The following RTCA variants were observed in gnomAD, a reference collection of about 807,000 sequenced individuals.
RTCA encodes the protein RNA 3'-terminal phosphate cyclase, also known as RNA terminal phosphate cyclase domain 1.
In RTCA, 37 loss-of-function variants were observed where a neutral mutation model predicts 46.1. The observed-to-expected ratio is 0.80, with a 90% CI of 0.62 to 1.06. RTCA has a LOEUF of 1.06. Ranked by LOEUF, RTCA falls within the 50% of genes least tolerant of loss-of-function variation. RTCA has a pLI of 0.00. For missense variants in RTCA, 435 were observed against 455.5 expected, an observed-to-expected ratio of 0.95 and a Z score of 0.41; for synonymous variants, 164 against 158.3, an observed-to-expected ratio of 1.04 and a Z score of -0.27.
chr1:100,270,104 T>A (rs1666000829), intron 3 of RTCA, among the ~76,000 whole-genome samples: 1 of 152,220 alleles, frequency 6.6e-6, no homozygotes, highest in African/African-American at 2.4e-5. Flanking sequence ...CCTGGAACAG[T>A]ACCTTGTTAT....
At chr1:100,287,857 G>A (rs892575203) in intron 10 of RTCA, among the ~76,000 whole-genome samples, 1 of 148,180 alleles carries the variant, frequency 6.7e-6, no homozygotes, top group Non-Finnish European at 1.5e-5. Context: ...GCAATGGCAT[G>A]ATCTCGGCTC....
intron 10 of RTCA, among the ~76,000 whole-genome samples, chr1:100,291,143 C>T (rs183813508): frequency 2.6e-5 from 4 of 152,170 alleles, no homozygotes; most frequent in African/African-American, 7.2e-5. Flanking sequence ...ATTCAGTGTG[C>T]GTGGAAGGGG....
intron 9 of RTCA, among the ~76,000 whole-genome samples, chr1:100,285,932 G>A (rs2100812732): frequency 6.6e-6 from 1 of 152,288 alleles, no homozygotes; most frequent in Non-Finnish European, 1.5e-5. Context: ...ACTGTGCCTG[G>A]CCAACTTCTA....
At chr1:100,277,791 AT>A (rs958141266) in intron 8 of RTCA, among the ~76,000 whole-genome samples, 99 of 145,770 alleles carry the variant, frequency 6.8e-4, no homozygotes, top group Middle Eastern at 3.6e-3. Context: ...GCGATGTGGA[AT>A]TTTTTTTTTT....
At chr1:100,285,724 A>T (rs940232330) in intron 9 of RTCA, among the ~76,000 whole-genome samples, 1 of 151,898 alleles carries the variant, frequency 6.6e-6, no homozygotes, top group Admixed American at 6.6e-5. Flanking sequence ...GTTTCAAGTG[A>T]TCCTCCTGCT....
At chr1:100,284,720 C>T (rs1666928502) in intron 8 of RTCA, among the ~76,000 whole-genome samples, 1 of 152,182 alleles carries the variant, frequency 6.6e-6, no homozygotes, top group Non-Finnish European at 1.5e-5. Context: ...ATGGAATTAC[C>T]TGCAGACTAA....
chr1:100,289,639 T>C (rs1667244624), intron 10 of RTCA, among the ~76,000 whole-genome samples: 3 of 152,216 alleles, frequency 2.0e-5, no homozygotes, highest in Admixed American at 2.0e-4. Flanking sequence ...TTGATCTCCT[T>C]AATAGCAGAG....
intron 2 of RTCA, chr1:100,267,066 A>G (rs746607545): frequency 9.2e-6 from 2 of 217,862 alleles, no homozygotes; most frequent in South Asian, 2.2e-4. Flanking sequence ...GTGTTATCCC[A>G]GCCTTCATTC....
intron 9 of RTCA, 89 bp downstream of exon 9, chr1:100,285,411 G>T: frequency 1.1e-6 from 1 of 874,764 alleles, no homozygotes; most frequent in Non-Finnish European, 1.8e-6. Flanking sequence ...TTGACTTTCA[G>T]ACACTAATTA....
chr1:100,267,648 C>T (rs2100786996), intron 2 of RTCA: 1 of 939,146 alleles, frequency 1.1e-6, no homozygotes, highest in Non-Finnish European at 1.4e-6. Context: ...TCTGTATGTT[C>T]TAGTTTTTTT....
chr1:100,291,472 C>T lies in RTCA; in HGVS notation c.1069C>T (p.Gln357Ter). The T allele has an allele frequency of 6.2e-7, 1 of 1,610,994 alleles. No individual in the cohort carries two copies. The highest frequency in any genetic ancestry group is 8.5e-7 in the Non-Finnish European group (1 of 1,178,280). The change falls in exon 11 of 11, where the codon CAA (glutamine) becomes TAA (stop). Residue 357 changes from glutamine (Q) to a stop codon, truncating the protein, a stop_gained. Coordinates refer to ENST00000370128, the MANE Select transcript of RTCA (RefSeq NM_003729.4). LOFTEE classifies it high-confidence loss of function. Reference sequence around the variant, plus strand: ...TAAAGATACTTATATTATTGAATGCCAAGGAATTGGGATGACAAATCCAAA... The same window carrying T: ...TAAAGATACTTATATTATTGAATGCTAAGGAATTGGGATGACAAATCCAAA... ...AAKDTYIIEC[Q>*]GIGMTNPNL
In RTCA at chr1:100,273,378, A is replaced by C; in HGVS notation, c.415-16A>C. The stretch of plus-strand genomic sequence containing the variant: ...ATATTGCTGATTAACCTAATGATAA[A>C]AACTGATTTTTTCAGGTCTTCAAGC... On this transcript the variant is annotated splice_polypyrimidine_tract_variant and intron_variant, in intron 4 of 10. Coordinates refer to ENST00000370128, the MANE Select transcript of RTCA (RefSeq NM_003729.4). The C allele has an allele frequency of 6.5e-7, 1 of 1,540,292 alleles. No individual in the cohort carries two copies. The highest frequency in any genetic ancestry group is 8.9e-7 in the Non-Finnish European group (1 of 1,127,692).
At chr1:100,281,126 A>G in intron 8 of RTCA, 1 of 502,148 alleles carries the variant, frequency 2.0e-6, no homozygotes, top group African/African-American at 2.0e-5. Context: ...AGTTGTAACT[A>G]GAGATGTCTT....
At chr1:100,267,340 T>TA in intron 2 of RTCA, 1 of 678,764 alleles carries the variant, frequency 1.5e-6, no homozygotes, top group Non-Finnish European at 2.2e-6. Flanking sequence ...ACTGATATGT[T>TA]AATGTTAATT....
At chr1:100,289,582 A>G (rs1347744283) in intron 10 of RTCA, among the ~76,000 whole-genome samples, 1 of 152,124 alleles carries the variant, frequency 6.6e-6, no homozygotes, top group Non-Finnish European at 1.5e-5. Flanking sequence ...TTGTTACTCT[A>G]CTTATGCTGT....
rs1030765548 is a variant in RTCA, at chr1:100,290,267, AT to A, written c.1000-1125del. On this transcript the variant is annotated intron_variant, in intron 10 of 10. Transcript: ENST00000370128. ...AAACTTAACCTATTTAATTGTTTTGATTTTTTTTTTTAAGACGTTGATGGGA... is the reference window on the plus strand; with the variant it reads ...AAACTTAACCTATTTAATTGTTTTGATTTTTTTTTTAAGACGTTGATGGGA... Among the ~76,000 whole-genome samples, 1,357 of 148,516 alleles carry A rather than the reference AT, an allele frequency of 9.1e-3. 27 individuals carry two copies. Among genetic ancestry groups the A allele is most frequent in the African/African-American group, 0.032 (1,291 of 40,712 alleles).
At position 100,267,323 on chromosome 1, in the gene RTCA, G is replaced by A. The variant is rs944869964; in HGVS notation, c.146+699G>A. 1.3e-5 allele frequency: 7 copies of A among 557,134 alleles called. No homozygotes were observed. The African/African-American group carries it at 1.3e-4, about 11-fold the overall frequency. The allele number at this position is 557,134 out of a possible 1,614,324, so 34.5% of individuals were successfully genotyped here. A position where few individuals can be genotyped will look rare whatever the true frequency, so the allele number is the denominator to read the frequency against. On this transcript the variant is annotated intron_variant, in intron 2 of 10. Coordinates refer to ENST00000370128, the MANE Select transcript of RTCA (RefSeq NM_003729.4). Reference sequence around the variant, plus strand: ...GTCTACAGTTTTGAAATTACCAAAAGGCAATTACTGATATGTTAATGTTAA... The same window carrying A: ...GTCTACAGTTTTGAAATTACCAAAAAGCAATTACTGATATGTTAATGTTAA...
intron 10 of RTCA, among the ~76,000 whole-genome samples, chr1:100,290,999 A>G (rs1259248469): frequency 6.6e-6 from 1 of 152,204 alleles, no homozygotes; most frequent in East Asian, 1.9e-4. Flanking sequence ...ATTAAAGGGT[A>G]ATTTGTGACT....
In RTCA at chr1:100,268,302, A is replaced by G. The variant is rs764007556; in HGVS notation, c.290+7A>G. 57 of 1,594,872 alleles carry G rather than the reference A, an allele frequency of 3.6e-5. No homozygotes were observed. Among genetic ancestry groups the G allele is most frequent in the Non-Finnish European group, 4.8e-5 (56 of 1,168,276 alleles). On this transcript the variant is annotated splice_region_variant and intron_variant, in intron 3 of 10. Coordinates refer to ENST00000370128, the MANE Select transcript of RTCA (RefSeq NM_003729.4). ...CAGATACCAAGACAGCAGGGTATGTATCACTTAACATTCCATTTAAGTAAC... is the reference window on the plus strand; with the variant it reads ...CAGATACCAAGACAGCAGGGTATGTGTCACTTAACATTCCATTTAAGTAAC...
Sources: allele counts gnomAD v4.1 joint callset (sites outside exome capture counted in the v4.1 genomes callset), GRCh38; gene constraint gnomAD v4.1.1; transcripts MANE v1.5; gene names NCBI Gene and HGNC (gene_info 2026-07-23, HGNC 2026-07-21).